The following CDK12 variants were observed in gnomAD, a reference collection of about 807,000 sequenced individuals.
CDK12 encodes cyclin-dependent kinase 12.
A neutral mutation model predicts 133.8 loss-of-function variants in CDK12; 17 were observed. That is an observed-to-expected ratio of 0.13 (90% CI 0.09 to 0.19). CDK12 has a LOEUF of 0.19. Ranked by LOEUF, CDK12 falls within the 10% of genes least tolerant of loss-of-function variation. The pLI is 1.00. For missense variants in CDK12, 1,508 were observed against 1,818.7 expected, an observed-to-expected ratio of 0.83 and a Z score of 3.11; for synonymous variants, 694 against 683.6, an observed-to-expected ratio of 1.02 and a Z score of -0.24.
At chr17:39,544,351 G>A (rs1034747199), upstream of CDK12, 4 of 487,650 alleles carry the variant, frequency 8.2e-6, no homozygotes, top group Non-Finnish European at 8.1e-6. Flanking sequence ...AGAACCTAAA[G>A]CCAAGCCAGG....
intron 6 of CDK12, among the ~76,000 whole-genome samples, chr17:39,509,095 C>T (rs762824481): frequency 4.6e-5 from 7 of 151,946 alleles, no homozygotes; most frequent in African/African-American, 1.7e-4. Flanking sequence ...ATTGGCATCA[C>T]GTATGGGCCT....
intron 1 of CDK12, among the ~76,000 whole-genome samples, chr17:39,469,047 T>C (rs1301695924): frequency 6.6e-6 from 1 of 151,568 alleles, no homozygotes; most frequent in Non-Finnish European, 1.5e-5. Flanking sequence ...CAGGATGGTC[T>C]TGATCTCCTG....
intron 2 of CDK12, among the ~76,000 whole-genome samples, chr17:39,482,909 ATTTTTT>A (rs56026321): frequency 0.61 from 84,772 of 138,954 alleles, 28,471 homozygotes; most frequent in South Asian, 0.88. Flanking sequence ...CCTCAACTAA[ATTTTTT>A]TTTTTTTTTT....
chr17:39,482,599 A>AGTTTTTTTT (rs2050800176), intron 2 of CDK12, among the ~76,000 whole-genome samples: 1 of 74,392 alleles, frequency 1.3e-5, no homozygotes, highest in Non-Finnish European at 2.6e-5. Flanking sequence ...AATCAACTAC[A>AGTTTTTTTT]TTTTTTTTTT....
rs61702583 is a variant in CDK12 at position 39,508,464 on chromosome 17, A to C, written c.2610-1241A>C. Among the ~76,000 whole-genome samples the C allele has an allele frequency of 0.017, 2,531 of 152,238 alleles. 154 individuals carry two copies. The East Asian group carries it at 0.17, about 10-fold the overall frequency. On this transcript the variant is annotated intron_variant, in intron 6 of 13. Coordinates refer to ENST00000447079, the MANE Select transcript of CDK12 (RefSeq NM_016507.4). Reference sequence around the variant, plus strand: ...TTTGCATTGCCCACCCCCTCCAATAAATAAATAGTTTTAAAATAGATTCCC... The same window carrying C: ...TTTGCATTGCCCACCCCCTCCAATACATAAATAGTTTTAAAATAGATTCCC...
intron 13 of CDK12, among the ~76,000 whole-genome samples, chr17:39,527,842 C>T (rs1407279243): frequency 1.3e-5 from 2 of 151,870 alleles, no homozygotes; most frequent in African/African-American, 2.4e-5. Context: ...CCACTACCCC[C>T]GGCCTGAAGT....
Position 39,532,118 on chromosome 17 carries a change from C to CTA in CDK12, c.*803_*804insAT, listed in dbSNP as rs1567794426. On this transcript the variant is annotated 3_prime_UTR_variant, in exon 14 of 14. Transcript: ENST00000447079. Reference sequence around the variant, plus strand: ...TCTCTCTCTTTCTCTCTCTCTCTCTCTCTCTCTCTCTCTCTCTCTCTCTCT... The same window carrying CTA: ...TCTCTCTCTTTCTCTCTCTCTCTCTCTATCTCTCTCTCTCTCTCTCTCTCTCT... 13 of 216,024 alleles carry CTA rather than the reference C, an allele frequency of 6.0e-5. No homozygotes were observed. The highest frequency in any genetic ancestry group is 1.0e-4 in the Non-Finnish European group (11 of 106,320). The allele number at this position is 216,024 out of a possible 1,614,324, so 13.4% of individuals were successfully genotyped here. A position where few individuals can be genotyped will look rare whatever the true frequency, so the allele number is the denominator to read the frequency against.
chr17:39,528,084 T>A (rs1279721276), intron 13 of CDK12, among the ~76,000 whole-genome samples: 1 of 150,212 alleles, frequency 6.7e-6, no homozygotes, highest in Non-Finnish European at 1.5e-5. Flanking sequence ...CCTGGCTAAT[T>A]TTTTTTTGTA....
Position 39,461,901 on chromosome 17 carries a change from G to A in CDK12, c.-171G>A. On this transcript the variant is annotated 5_prime_UTR_variant, in exon 1 of 14. Coordinates refer to ENST00000447079, the MANE Select transcript of CDK12 (RefSeq NM_016507.4). ...CCTTCACCCCCCACCTCATGTAGAA[G>A]GGTGCTGAGGCGTCGGGAGGGAGGA... 1 of 609,704 alleles carries A rather than the reference G, an allele frequency of 1.6e-6. No individual in the cohort carries two copies. Among genetic ancestry groups the A allele is most frequent in the Non-Finnish European group, 2.9e-6 (1 of 340,010 alleles). 37.8% of individuals were successfully genotyped at this position (609,704 alleles called of 1,614,324 possible).
intron 1 of CDK12, among the ~76,000 whole-genome samples, chr17:39,469,508 G>A (rs1471410353): frequency 2.6e-5 from 4 of 152,124 alleles, no homozygotes; most frequent in South Asian, 4.1e-4. Context: ...GAGGATGCAA[G>A]GAACAACATA....
chr17:39,467,232 C>T (rs1037376899), intron 1 of CDK12, among the ~76,000 whole-genome samples: 9 of 152,160 alleles, frequency 5.9e-5, no homozygotes, highest in Non-Finnish European at 8.8e-5. Context: ...CTGCCTCAGC[C>T]TCCCAAAGCG....
downstream of CDK12, chr17:39,534,909 A>G (rs2055062265): frequency 6.6e-6 from 1 of 152,574 alleles, no homozygotes. Context: ...GAAGTTGGTA[A>G]GAGGCTGTTT....
chr17:39,513,014 C>T (rs563686075), intron 8 of CDK12, among the ~76,000 whole-genome samples: 1 of 152,302 alleles, frequency 6.6e-6, no homozygotes, highest in East Asian at 1.9e-4. Context: ...CCTTTTGGCA[C>T]ACCATAGTAG....
At chr17:39,482,402 T>C (rs368977924) in intron 2 of CDK12, among the ~76,000 whole-genome samples, 1 of 151,988 alleles carries the variant, frequency 6.6e-6, no homozygotes, top group South Asian at 2.1e-4. Flanking sequence ...TCTCTATAAG[T>C]TCAGTAAACT....
intron 2 of CDK12, among the ~76,000 whole-genome samples, chr17:39,480,029 T>C (rs957363255): frequency 7.3e-5 from 11 of 151,092 alleles, no homozygotes; most frequent in Admixed American, 4.0e-4. Flanking sequence ...GTTCAAGCGA[T>C]TTTCCTGCCT....
intron 11 of CDK12, among the ~76,000 whole-genome samples, chr17:39,523,774 C>T (rs1195866153): frequency 6.6e-6 from 1 of 152,128 alleles, no homozygotes; most frequent in Non-Finnish European, 1.5e-5. Flanking sequence ...CTGCTTCAGC[C>T]TCCTTAGTAG....
At position 39,461,694 on chromosome 17, in the gene CDK12, C is replaced by T. The variant is rs2048971504; in HGVS notation, c.-378C>T. 6.6e-6 allele frequency: 2 copies of T among 305,190 alleles called. No homozygotes were observed. The highest frequency in any genetic ancestry group is 4.6e-5 in the Admixed American group (1 of 21,882). The allele number at this position is 305,190 out of a possible 1,614,324, so 18.9% of individuals were successfully genotyped here. Reference sequence around the variant, plus strand: ...GTAGGGGAAGGGCCCGCGTAGTCCTCGCAGGGCCCCAGAGCTGGAGTCGGC... The same window carrying T: ...GTAGGGGAAGGGCCCGCGTAGTCCTTGCAGGGCCCCAGAGCTGGAGTCGGC... On this transcript the variant is annotated 5_prime_UTR_variant, in exon 1 of 14. Transcript: ENST00000447079.
At position 39,494,473 on chromosome 17, in the gene CDK12, T is replaced by C. The variant is rs2051910793; in HGVS notation, c.2249-51T>C. On this transcript the variant is annotated intron_variant, in intron 4 of 13. Coordinates refer to ENST00000447079, the MANE Select transcript of CDK12 (RefSeq NM_016507.4). ...AAGGGCATATATTGCTGGTTCACAA[T>C]AGTGGCCAAAAATGCTCATTGATAA... 5 of 1,542,452 alleles carry C rather than the reference T, an allele frequency of 3.2e-6. No homozygotes were observed. In the African/African-American group the frequency reaches 4.1e-5, roughly 13 times the overall value.
At chr17:39,565,400 C>T (rs1028186185), downstream of CDK12, among the ~76,000 whole-genome samples, 5 of 149,156 alleles carry the variant, frequency 3.4e-5, no homozygotes, top group Non-Finnish European at 7.4e-5. Context: ...AGGCGTGAGC[C>T]ACCGCACCCA....
Sources: gnomAD v4.1 joint callset for allele counts (sites outside exome capture counted in the v4.1 genomes callset) on GRCh38, gnomAD v4.1.1 for gene constraint, MANE v1.5 for transcripts, NCBI Gene and HGNC (gene_info 2026-07-23, HGNC 2026-07-21) for gene names.